Variants in MALT1 observed in about 807,000 individuals in gnomAD.
The protein encoded by MALT1 is mucosa-associated lymphoid tissue lymphoma translocation protein 1.
Under a neutral mutation model 85.5 loss-of-function variants are expected in MALT1, and 36 were observed. The ratio of observed to expected loss-of-function variants is 0.42; its 90% CI spans 0.32 to 0.56. MALT1 has a LOEUF of 0.56. Among genes scored for constraint, MALT1 ranks in the 20% least tolerant of loss-of-function variants. MALT1 has a pLI of 0.10. For missense variants in MALT1, 716 were observed against 981.6 expected (o/e 0.73, Z 3.62); for synonymous variants, 359 against 361.3 (o/e 0.99, Z 0.07).
At position 58,748,739 on chromosome 18, in the gene MALT1, G is replaced by A. The variant is rs1445110478; in HGVS notation, c.*897G>A. 1 of 195,568 alleles carries A rather than the reference G, an allele frequency of 5.1e-6. No individual in the cohort carries two copies. The highest frequency in any genetic ancestry group is 2.3e-5 in the African/African-American group (1 of 43,272). The allele number at this position is 195,568 out of a possible 1,614,324, so 12.1% of individuals were successfully genotyped here. ...TATCTTTGGCTCTACCTAAAAGTTGGTTAAAAATGCAATTGGCATTAACAA... is the reference window on the plus strand; with the variant it reads ...TATCTTTGGCTCTACCTAAAAGTTGATTAAAAATGCAATTGGCATTAACAA... On this transcript the variant is annotated 3_prime_UTR_variant, in exon 17 of 17. Coordinates refer to ENST00000649217, the MANE Select transcript of MALT1 (RefSeq NM_006785.4).
At chr18:58,674,319 T>A (rs1228444956) in intron 1 of MALT1, among the ~76,000 whole-genome samples, 13 of 152,212 alleles carry the variant, frequency 8.5e-5, no homozygotes, top group Non-Finnish European at 1.9e-4. Flanking sequence ...TGAGGCCACT[T>A]TTCTGTGGAG....
rs560448786 is a variant in MALT1, at chr18:58,749,233, G to A, written c.*1391G>A. ...ACTGCTTTTAGGAGAAAGTGTATTT[G>A]TGTATATGTGTGTATACATATGTTT... On this transcript the variant is annotated 3_prime_UTR_variant, in exon 17 of 17. Transcript: ENST00000649217. The A allele has an allele frequency of 9.3e-6, 2 of 216,110 alleles. No individual in the cohort carries two copies. The highest frequency in any genetic ancestry group is 5.8e-5 in the Admixed American group (1 of 17,260). 13.4% of individuals were successfully genotyped at this position (216,110 alleles called of 1,614,324 possible).
chr18:58,747,376 A>G lies in MALT1; in HGVS notation c.2038-29A>G, dbSNP rs751323129. On this transcript the variant is annotated intron_variant, in intron 16 of 16. Coordinates refer to ENST00000649217, the MANE Select transcript of MALT1 (RefSeq NM_006785.4). ...TGATATATATTCACTGTTGATGCCA[A>G]TAATAAACCAGATTTTTTTCCTTTT... 26 of 1,473,488 alleles carry G rather than the reference A, an allele frequency of 1.8e-5. No homozygotes were observed. The African/African-American group carries it at 2.8e-4, about 16-fold the overall frequency. The allele number at this position is 1,473,488 out of a possible 1,614,324, so 91.3% of individuals were successfully genotyped here.
chr18:58,738,457 G>A (rs973248459), intron 13 of MALT1, among the ~76,000 whole-genome samples: 3 of 152,096 alleles, frequency 2.0e-5, no homozygotes, highest in African/African-American at 4.8e-5. Flanking sequence ...ACAGTCTTGT[G>A]TATGTCTCCT....
intron 10 of MALT1, among the ~76,000 whole-genome samples, chr18:58,731,691 G>A (rs1047565901): frequency 2.6e-5 from 4 of 152,096 alleles, no homozygotes; most frequent in African/African-American, 7.2e-5. Context: ...CATTTCATAC[G>A]TACATGGTGG....
chr18:58,687,100 C>A (rs758623112), intron 2 of MALT1, among the ~76,000 whole-genome samples: 1 of 152,036 alleles, frequency 6.6e-6, no homozygotes, highest in Non-Finnish European at 1.5e-5. Flanking sequence ...TTCTTCTTGC[C>A]AACTTAAAAA....
intron 7 of MALT1, among the ~76,000 whole-genome samples, chr18:58,711,424 G>A (rs1455715776): frequency 6.6e-6 from 1 of 152,054 alleles, no homozygotes; most frequent in Non-Finnish European, 1.5e-5. Flanking sequence ...TATGTTCTAT[G>A]AAATATTAAA....
At chr18:58,678,859 G>A (rs1341540258) in intron 1 of MALT1, among the ~76,000 whole-genome samples, 1 of 152,196 alleles carries the variant, frequency 6.6e-6, no homozygotes, top group African/African-American at 2.4e-5. Context: ...TTGGTGGACT[G>A]GTGTGGTCTA....
At chr18:58,698,412 G>C (rs934053229) in intron 3 of MALT1, among the ~76,000 whole-genome samples, 5 of 152,182 alleles carry the variant, frequency 3.3e-5, no homozygotes, top group Non-Finnish European at 7.3e-5. Context: ...AGGAAGCAGA[G>C]AACAGCAAGG....
At chr18:58,739,725 G>C (rs55653859) in intron 13 of MALT1, among the ~76,000 whole-genome samples, 36,670 of 151,970 alleles carry the variant, frequency 0.24, 4,509 homozygotes, top group Middle Eastern at 0.34. Flanking sequence ...CCTGCCTGCA[G>C]GTTTCAGACT....
chr18:58,682,170 A>G (rs1032666392), intron 2 of MALT1, among the ~76,000 whole-genome samples: 9 of 152,208 alleles, frequency 5.9e-5, no homozygotes, highest in African/African-American at 2.2e-4. Context: ...TACCATTTCA[A>G]TATATAACCA....
At chr18:58,677,091 A>G (rs1283656821) in intron 1 of MALT1, among the ~76,000 whole-genome samples, 2 of 152,176 alleles carry the variant, frequency 1.3e-5, no homozygotes, top group East Asian at 1.9e-4. Flanking sequence ...TTCAAAGCAC[A>G]CTCTTACAGG....
intron 3 of MALT1, among the ~76,000 whole-genome samples, chr18:58,698,501 T>A (rs1354829789): frequency 6.6e-6 from 1 of 152,140 alleles, no homozygotes; most frequent in Non-Finnish European, 1.5e-5. Flanking sequence ...CAGTGCATAA[T>A]TCAGTGTATA....
chr18:58,701,552 A>G (rs937678766), intron 4 of MALT1, among the ~76,000 whole-genome samples: 24 of 152,176 alleles, frequency 1.6e-4, no homozygotes, highest in African/African-American at 5.8e-4. Flanking sequence ...CTTAGAACAA[A>G]GCCTGGCAGG....
chr18:58,727,616 G>GTTGTTTTTTTTTTT (rs2055077320), intron 10 of MALT1, among the ~76,000 whole-genome samples: 3 of 121,262 alleles, frequency 2.5e-5, no homozygotes, highest in African/African-American at 9.8e-5. Context: ...GGTTTTTTGT[G>GTTGTTTTTTTTTTT]TTTTTTTTTT....
intron 10 of MALT1, among the ~76,000 whole-genome samples, chr18:58,729,162 T>C (rs1322519161): frequency 6.6e-6 from 1 of 152,066 alleles, no homozygotes; most frequent in Non-Finnish European, 1.5e-5. Flanking sequence ...GAAATAATAG[T>C]GAATAAAGAT....
At chr18:58,683,775 A>G (rs2054357104) in intron 2 of MALT1, among the ~76,000 whole-genome samples, 1 of 152,116 alleles carries the variant, frequency 6.6e-6, no homozygotes, top group Admixed American at 6.6e-5. Context: ...TATCCTGATG[A>G]TATTTGGCTT....
intron 4 of MALT1, among the ~76,000 whole-genome samples, chr18:58,705,425 T>C (rs2054736246): frequency 6.6e-6 from 1 of 150,506 alleles, no homozygotes; most frequent in Non-Finnish European, 1.5e-5. Flanking sequence ...CTGCACCCAC[T>C]ATCTCGTCAT....
At position 58,671,817 on chromosome 18, in the gene MALT1, G is replaced by C. The variant is rs1373374971; in HGVS notation, c.174G>C (p.Ala58=). Residue 58 remains alanine (A), a synonymous_variant, in exon 1 of 17, where the codon GCG becomes GCC. Coordinates refer to ENST00000649217, the MANE Select transcript of MALT1 (RefSeq NM_006785.4). ...APEGRGWRRL[A]ELAGSRGRLR... Reference sequence around the variant, plus strand: ...AGGGCCGGGGCTGGAGGAGACTGGCGGAGCTGGCGGGGAGTCGCGGGCGCC... The same window carrying C: ...AGGGCCGGGGCTGGAGGAGACTGGCCGAGCTGGCGGGGAGTCGCGGGCGCC... The C allele has an allele frequency of 1.1e-5, 13 of 1,235,110 alleles. No individual in the cohort carries two copies. Among genetic ancestry groups the C allele is most frequent in the Non-Finnish European group, 1.3e-5 (13 of 990,010 alleles). 76.5% of individuals were successfully genotyped at this position (1,235,110 alleles called of 1,614,324 possible).
Sources: gnomAD v4.1 joint callset for allele counts (sites outside exome capture counted in the v4.1 genomes callset) on GRCh38, gnomAD v4.1.1 for gene constraint, MANE v1.5 for transcripts, NCBI Gene and HGNC (gene_info 2026-07-23, HGNC 2026-07-21) for gene names.